DAZAP1: variants seen among roughly 807,000 people sequenced by gnomAD.
DAZAP1 encodes DAZ associated protein 1.
In DAZAP1, 6 loss-of-function variants were observed where a neutral mutation model predicts 60.1. The observed-to-expected ratio is 0.10, with a 90% CI of 0.05 to 0.20. DAZAP1 has a LOEUF of 0.20. DAZAP1 is among the 10% of genes least tolerant of loss of function. The pLI, the probability that DAZAP1 is intolerant of heterozygous loss-of-function variation, is 1.00. For missense variants in DAZAP1, 366 were observed against 560.4 expected, an observed-to-expected ratio of 0.65 and a Z score of 3.50; for synonymous variants, 235 against 215.9, an observed-to-expected ratio of 1.09 and a Z score of -0.78.
chr19:1,419,525 G>A (rs924768929), intron 4 of DAZAP1, among the ~76,000 whole-genome samples: 2 of 152,216 alleles, frequency 1.3e-5, no homozygotes, highest in Non-Finnish European at 2.9e-5. Context: ...TCAGCACGCT[G>A]GAAAGCGGCT....
chr19:1,434,837 C>G lies in DAZAP1; in HGVS notation c.1149C>G (p.Gly383=), dbSNP rs763705584. 2 of 1,594,796 alleles carry G rather than the reference C, an allele frequency of 1.3e-6. No homozygotes were observed. The highest frequency in any genetic ancestry group is 1.1e-5 in the South Asian group (1 of 89,652). ...YGGPSVPGSG[G]PPAGGSGFGR... is the part of the protein sequence containing the mutation. ...GTCCCTCCGTGCCAGGGTCGGGGGG[C>G]CCCCCCGCCGGCGGCAGCGGCTTTG... Residue 383 remains glycine (G), a synonymous_variant, in exon 12 of 12, where the codon GGC becomes GGG. Transcript: ENST00000233078. The surrounding 1 kb of genome is among the most constrained non-coding windows in gnomAD (Gnocchi z 8.0).
At position 1,422,212 on chromosome 19, in the gene DAZAP1, T is replaced by G. The variant is rs543967480; in HGVS notation, c.415-136T>G. On this transcript the variant is annotated intron_variant, in intron 5 of 11. Coordinates refer to ENST00000233078, the MANE Select transcript of DAZAP1 (RefSeq NM_018959.4). The surrounding 1 kb of genome is among the most constrained non-coding windows in gnomAD (Gnocchi z 4.5). The stretch of plus-strand genomic sequence containing the variant: ...GACAGCAGCCCCACGGAGCAGCTGT[T>G]GCCCGTGCACCTCCCCCGCTCAGGG... The G allele has an allele frequency of 2.0e-4, 144 of 729,730 alleles. 1 individual carries two copies. Among genetic ancestry groups the G allele is most frequent in the South Asian group, 5.2e-4 (32 of 61,802 alleles). The allele number at this position is 729,730 out of a possible 1,614,324, so 45.2% of individuals were successfully genotyped here. A position where few individuals can be genotyped will look rare whatever the true frequency, so the allele number is the denominator to read the frequency against.
chr19:1,433,731 CTTGCCA>C lies in DAZAP1; in HGVS notation c.1049-1005_1049-1000del. The C allele has an allele frequency of 6.2e-7, 1 of 1,613,134 alleles. No individual in the cohort carries two copies. The highest frequency in any genetic ancestry group is 2.2e-5 in the East Asian group (1 of 44,884). ...TGGGTTGGTCACCCTGGTCTCGTCT[CTTGCCA>C]GGCCTGGGTTCCTATTCTCCAGCCC... On this transcript the variant is annotated intron_variant, in intron 11 of 11. Transcript: ENST00000233078. This position sits in a 1 kb window ranked among gnomAD's most constrained non-coding sequence, Gnocchi z 6.1.
chr19:1,419,540 G>A (rs2144786728), intron 4 of DAZAP1, among the ~76,000 whole-genome samples: 1 of 152,310 alleles, frequency 6.6e-6, no homozygotes, highest in South Asian at 2.1e-4. Context: ...GCGGCTGCAG[G>A]GAATCCCGTG....
intron 1 of DAZAP1, among the ~76,000 whole-genome samples, chr19:1,413,006 A>G (rs1705785040): frequency 6.6e-6 from 1 of 152,174 alleles, no homozygotes; most frequent in African/African-American, 2.4e-5. Flanking sequence ...AGTGTCGGAG[A>G]TGCCGTCAGC....
rs748471404 is a variant in DAZAP1, at chr19:1,425,846, G to C, written c.464-32G>C. The C allele has an allele frequency of 2.1e-6, 3 of 1,451,512 alleles. No individual in the cohort carries two copies. In the African/African-American group the frequency reaches 4.2e-5, roughly 20 times the overall value. The allele number at this position is 1,451,512 out of a possible 1,614,324, so 89.9% of individuals were successfully genotyped here. A position where few individuals can be genotyped will look rare whatever the true frequency, so the allele number is the denominator to read the frequency against. ...ATCCTGTTTTGTGTCACAACACCCT[G>C]CTACCTTGATTCACTCTTCGTCGTT... On this transcript the variant is annotated intron_variant, in intron 6 of 11. Coordinates refer to ENST00000233078, the MANE Select transcript of DAZAP1 (RefSeq NM_018959.4). The surrounding 1 kb of genome is among the most constrained non-coding windows in gnomAD (Gnocchi z 5.4).
chr19:1,433,924 G>T lies in DAZAP1; in HGVS notation c.1049-813G>T. ...GTCCCGGGCGGGGGTGGACGCTGGC[G>T]GTGCCCTCTGGGAAGGGGCCCTTGC... On this transcript the variant is annotated intron_variant, in intron 11 of 11. Transcript: ENST00000233078. This position sits in a 1 kb window ranked among gnomAD's most constrained non-coding sequence, Gnocchi z 6.1. 9.0e-7 allele frequency: 1 copy of T among 1,107,296 alleles called. No individual in the cohort carries two copies. Among genetic ancestry groups the T allele is most frequent in the Non-Finnish European group, 1.4e-6 (1 of 740,364 alleles). The allele number at this position is 1,107,296 out of a possible 1,614,324, so 68.6% of individuals were successfully genotyped here. A position where few individuals can be genotyped will look rare whatever the true frequency, so the allele number is the denominator to read the frequency against.
chr19:1,432,615 C>T lies in DAZAP1; in HGVS notation c.973C>T (p.Pro325Ser). ...CGGGGCAGCACCTCTGGCTTTCCCACCGCCTCCGTCTCAGGCTGCCCCGGA... is the reference window on the plus strand; with the variant it reads ...CGGGGCAGCACCTCTGGCTTTCCCATCGCCTCCGTCTCAGGCTGCCCCGGA... ...TPGAAPLAFP[P>S]PPSQAAPDMS... The change falls in exon 11 of 12, where the codon CCG becomes TCG. Residue 325 changes from proline (P) to serine (S), a missense_variant. Physicochemically the swap from Pro to Ser is moderately conservative, Grantham distance 74 (BLOSUM62 -1). Around this residue, in one of 3 missense-constraint regions of DAZAP1, gnomAD observed 240 missense variants for 308.8 expected, o/e 0.78. Transcript: ENST00000233078. The surrounding 1 kb of genome is among the most constrained non-coding windows in gnomAD (Gnocchi z 4.9). The T allele has an allele frequency of 1.2e-6, 2 of 1,613,688 alleles. No homozygotes were observed. Among genetic ancestry groups the T allele is most frequent in the Non-Finnish European group, 1.7e-6 (2 of 1,179,984 alleles).
chr19:1,418,537 A>G lies in DAZAP1; in HGVS notation c.238-129A>G. ...CTGAGGCTGGATATTGCAGGAGGAT[A>G]CAGGGTGAATGGAGCCGGCGGGGCG... On this transcript the variant is annotated intron_variant, in intron 3 of 11. Coordinates refer to ENST00000233078, the MANE Select transcript of DAZAP1 (RefSeq NM_018959.4). This position sits in a 1 kb window ranked among gnomAD's most constrained non-coding sequence, Gnocchi z 5.7. 6.9e-7 allele frequency: 1 copy of G among 1,442,246 alleles called. No homozygotes were observed. The highest frequency in any genetic ancestry group is 1.7e-5 in the Admixed American group (1 of 58,846). The allele number at this position is 1,442,246 out of a possible 1,614,324, so 89.3% of individuals were successfully genotyped here. A position where few individuals can be genotyped will look rare whatever the true frequency, so the allele number is the denominator to read the frequency against.
At chr19:1,414,155 T>C (rs901891517) in intron 1 of DAZAP1, among the ~76,000 whole-genome samples, 4 of 151,536 alleles carry the variant, frequency 2.6e-5, no homozygotes, top group African/African-American at 9.7e-5. Context: ...GTGGCTAGGA[T>C]TACAGGTGCG....
rs1376010326 is a variant in DAZAP1 at position 1,425,904 on chromosome 19, G to C, written c.490G>C (p.Glu164Gln). The C allele has an allele frequency of 3.7e-6, 6 of 1,613,558 alleles. No homozygotes were observed. Among genetic ancestry groups the C allele is most frequent in the Non-Finnish European group, 5.1e-6 (6 of 1,179,602 alleles). ...TTTTGGATTTATTACTTTCGAGGAC[G>C]AACAATCAGTGGACCAGGCTGTCAA... ...RGFGFITFED[E>Q]QSVDQAVNMH... Residue 164 changes from glutamate (E) to glutamine (Q), a missense_variant, in exon 7 of 12, where the codon GAA becomes CAA. This residue lies in a region of DAZAP1 where 28 missense variants were observed against 96.3 expected (regional missense o/e 0.29). Transcript: ENST00000233078. The surrounding 1 kb of genome is among the most constrained non-coding windows in gnomAD (Gnocchi z 5.4).
chr19:1,428,750 A>C lies in DAZAP1; in HGVS notation c.547-92A>C. ...TTTAGTCTTAAGTTGTAAGATGCTA[A>C]GTGTAGTCATAAGTTACCCGAGGGT... On this transcript the variant is annotated intron_variant, in intron 7 of 11. Coordinates refer to ENST00000233078, the MANE Select transcript of DAZAP1 (RefSeq NM_018959.4). This position sits in a 1 kb window ranked among gnomAD's most constrained non-coding sequence, Gnocchi z 4.0. The C allele has an allele frequency of 6.9e-7, 1 of 1,443,210 alleles. No homozygotes were observed. The highest frequency in any genetic ancestry group is 9.5e-7 in the Non-Finnish European group (1 of 1,050,624). The allele number at this position is 1,443,210 out of a possible 1,614,324, so 89.4% of individuals were successfully genotyped here. A position where few individuals can be genotyped will look rare whatever the true frequency, so the allele number is the denominator to read the frequency against.
intron 4 of DAZAP1, among the ~76,000 whole-genome samples, chr19:1,420,427 T>C (rs1011126498): frequency 2.6e-5 from 4 of 151,904 alleles, no homozygotes; most frequent in Non-Finnish European, 4.4e-5. Flanking sequence ...CTCAAAGGTT[T>C]ATAGTCTTTT....
rs1163102790 is a variant in DAZAP1 at position 1,418,722 on chromosome 19, G to T, written c.294G>T (p.Lys98Asn). 6.2e-7 allele frequency: 1 copy of T among 1,611,296 alleles called. No individual in the cohort carries two copies. The highest frequency in any genetic ancestry group is 2.2e-5 in the East Asian group (1 of 44,870). ...RGMQPERTRP[K>N]EGWQKGPRSD... ...TGCAGCCGGAGAGAACACGGCCGAA[G>T]GAAGGATGGGTAAGGGGCTGGGCCG... Residue 98 changes from lysine to asparagine, a missense_variant, in exon 4 of 12, where the codon AAG becomes AAT. Lys to Asn is a moderately conservative substitution (Grantham distance 94). Coordinates refer to ENST00000233078, the MANE Select transcript of DAZAP1 (RefSeq NM_018959.4). The surrounding 1 kb of genome is among the most constrained non-coding windows in gnomAD (Gnocchi z 5.7).
intron 1 of DAZAP1, among the ~76,000 whole-genome samples, chr19:1,415,389 G>GTGTGTGTGT (rs751334899): frequency 2.4e-5 from 3 of 127,580 alleles, no homozygotes; most frequent in African/African-American, 8.9e-5. Flanking sequence ...GTGTGTGTGT[G>GTGTGTGTGT]TTTTGTTTTT....
rs1273791516 is a variant in DAZAP1 at position 1,428,844 on chromosome 19, G to A, written c.549G>A (p.Val183=). 6.2e-7 allele frequency: 1 copy of A among 1,612,954 alleles called. No individual in the cohort carries two copies. The highest frequency in any genetic ancestry group is 8.5e-7 in the Non-Finnish European group (1 of 1,179,852). The part of the protein sequence containing the change: ...MHFHDIMGKK[V]EVKRAEPRDS... ...AAACCAGAGCTCGGTTTGTTTAGGTGGAAGTTAAACGAGCTGAGCCTCGGG... is the reference window on the plus strand; with the variant it reads ...AAACCAGAGCTCGGTTTGTTTAGGTAGAAGTTAAACGAGCTGAGCCTCGGG... Residue 183 remains valine (V), a splice_region_variant and synonymous_variant, in exon 8 of 12, where the codon GTG becomes GTA. Coordinates refer to ENST00000233078, the MANE Select transcript of DAZAP1 (RefSeq NM_018959.4). The surrounding 1 kb of genome is among the most constrained non-coding windows in gnomAD (Gnocchi z 4.0).
In DAZAP1 at chr19:1,416,310, G is replaced by A. The variant is rs974957229; in HGVS notation, c.30-1190G>A. 5 of 152,284 alleles carry A rather than the reference G, an allele frequency of 3.3e-5. No individual in the cohort carries two copies. The highest frequency in any genetic ancestry group is 2.0e-4 in the Admixed American group (3 of 15,278). The allele number at this position is 152,284 out of a possible 1,614,324, so 9.4% of individuals were successfully genotyped here. A position where few individuals can be genotyped will look rare whatever the true frequency, so the allele number is the denominator to read the frequency against. On this transcript the variant is annotated intron_variant, in intron 1 of 11. Coordinates refer to ENST00000233078, the MANE Select transcript of DAZAP1 (RefSeq NM_018959.4). This position sits in a 1 kb window ranked among gnomAD's most constrained non-coding sequence, Gnocchi z 4.3. ...TGGGAATGGTGCTTTCAGTGAGGCT[G>A]GCAGGATTCTTGCGGCTCAGGTGGG...
At chr19:1,408,335 G>A (rs553363818) in intron 1 of DAZAP1, among the ~76,000 whole-genome samples, 21 of 151,906 alleles carry the variant, frequency 1.4e-4, no homozygotes, top group African/African-American at 4.8e-4. Flanking sequence ...GAGTCTGCGG[G>A]GAGTCCAGGG....
At position 1,434,747 on chromosome 19, in the gene DAZAP1, G is replaced by T. The variant is rs763795484; in HGVS notation, c.1059G>T (p.Gly353=). 1.2e-6 allele frequency: 2 copies of T among 1,612,232 alleles called. No individual in the cohort carries two copies. Among genetic ancestry groups the T allele is most frequent in the East Asian group, 2.2e-5 (1 of 44,730 alleles). ...DFPYGQYAGY[G]QDLSGFGQGF... ...GACTTTCTCCCCCAGCAGGTTACGG[G>T]CAGGACTTGAGTGGCTTCGGACAGG... is the stretch of plus-strand genomic sequence containing the variant. Residue 353 remains glycine, a synonymous_variant, in exon 12 of 12, where the codon GGG becomes GGT. Coordinates refer to ENST00000233078, the MANE Select transcript of DAZAP1 (RefSeq NM_018959.4). This position sits in a 1 kb window ranked among gnomAD's most constrained non-coding sequence, Gnocchi z 8.0.
Sources: gnomAD v4.1 joint callset for allele counts (sites outside exome capture counted in the v4.1 genomes callset) on GRCh38, gnomAD v4.1.1 for gene constraint, gnomAD v4.1.1 regional missense constraint, Gnocchi (gnomAD v3.1) non-coding constraint, MANE v1.5 for transcripts, NCBI Gene and HGNC (gene_info 2026-07-23, HGNC 2026-07-21) for gene names.